Variants in SLC7A11 observed in about 807,000 individuals in gnomAD.
SLC7A11 encodes solute carrier family 7 member 11, also known as cystine/glutamate transporter.
In SLC7A11, 35 loss-of-function variants were observed where a neutral mutation model predicts 54.5. The observed-to-expected ratio is 0.64, with a 90% CI of 0.49 to 0.85. The LOEUF is 0.85. SLC7A11 is among the 40% of genes least tolerant of loss of function. The pLI, the probability that SLC7A11 is intolerant of heterozygous loss-of-function variation, is 0.00. For synonymous variants in SLC7A11, 230 were observed against 225.2 expected, an observed-to-expected ratio of 1.02 and a Z score of -0.19; for missense variants, 583 against 618.1, an observed-to-expected ratio of 0.94 and a Z score of 0.60.
intron 6 of SLC7A11, among the ~76,000 whole-genome samples, chr4:138,213,532 C>CCTCTCTCTCTCTCT (rs71600143): frequency 1.9e-4 from 28 of 148,970 alleles, no homozygotes; most frequent in Non-Finnish European, 3.0e-4. Flanking sequence ...TTGTGTTTCT[C>CCTCTCTCTCTCTCT]CTCTCTCTCT....
At chr4:138,239,208 G>A (rs72939788) in intron 1 of SLC7A11, among the ~76,000 whole-genome samples, 58 of 152,238 alleles carry the variant, frequency 3.8e-4, no homozygotes, top group African/African-American at 1.4e-3. Flanking sequence ...AGAATTTATT[G>A]TCAGAGAATC....
At chr4:138,213,589 A>C (rs1286334806) in intron 6 of SLC7A11, among the ~76,000 whole-genome samples, 1 of 149,780 alleles carries the variant, frequency 6.7e-6, no homozygotes, top group Non-Finnish European at 1.5e-5. Context: ...TCTCTCATTT[A>C]TATTTACCTA....
At chr4:138,210,064 G>C (rs908618601) in intron 6 of SLC7A11, among the ~76,000 whole-genome samples, 7 of 151,852 alleles carry the variant, frequency 4.6e-5, no homozygotes, top group Non-Finnish European at 4.4e-5. Context: ...TAATGGAACA[G>C]GTTAAAGAAC....
chr4:138,237,737 ATTTTTTTTTTTTTTTTTTTTTT>A (rs1169641615), intron 1 of SLC7A11, among the ~76,000 whole-genome samples: 23 of 9,822 alleles, frequency 2.3e-3, no homozygotes, highest in South Asian at 0.022. Context: ...ATATATATAT[ATTTTTTTTTTTTTTTTTTTTTT>A]TTTTTTTTTG....
chr4:138,169,142 G>A lies in SLC7A11; in HGVS notation c.*2814C>T, dbSNP rs1578621826. 1.3e-5 allele frequency: 2 copies of A among 152,094 alleles called. No homozygotes were observed. Among genetic ancestry groups the A allele is most frequent in the African/African-American group, 4.8e-5 (2 of 41,522 alleles). 9.4% of individuals were successfully genotyped at this position (152,094 alleles called of 1,614,324 possible). On this transcript the variant is annotated 3_prime_UTR_variant, in exon 12 of 12. Coordinates refer to ENST00000280612, the MANE Select transcript of SLC7A11 (RefSeq NM_014331.4). ...AACATTTGAATATGCATGGTACAAA[G>A]TACAAGTACAGAACATGTAGTAAGT...
chr4:138,235,875 T>C (rs1738195360), intron 2 of SLC7A11, among the ~76,000 whole-genome samples: 1 of 152,242 alleles, frequency 6.6e-6, no homozygotes, highest in African/African-American at 2.4e-5. Context: ...TAAGACTTGG[T>C]GACCAACTAA....
At chr4:138,203,774 A>G (rs1737343350) in intron 6 of SLC7A11, among the ~76,000 whole-genome samples, 1 of 152,124 alleles carries the variant, frequency 6.6e-6, no homozygotes. Context: ...AAATTGTCAT[A>G]AAGTTAATTG....
In SLC7A11 at chr4:138,218,948, C is replaced by T. The variant is rs374057786; in HGVS notation, c.746+318G>A. ...CGAAGTATTATTCTTTAGTACCTTA[C>T]GGCACTATTATGTCCTTACTGGTAC... On this transcript the variant is annotated intron_variant, in intron 5 of 11. Transcript: ENST00000280612. Among the ~76,000 whole-genome samples, 302 of 152,216 alleles carry T rather than the reference C, an allele frequency of 2.0e-3. 2 individuals carry two copies. Among genetic ancestry groups the T allele is most frequent in the African/African-American group, 6.5e-3 (271 of 41,544 alleles).
chr4:138,224,861 G>T (rs191140391), intron 3 of SLC7A11, among the ~76,000 whole-genome samples: 5 of 132,298 alleles, frequency 3.8e-5, no homozygotes, highest in Non-Finnish European at 8.2e-5. Context: ...GAAGGAAGGA[G>T]AAATAGATCT....
chr4:138,217,690 T>C (rs1285059408), intron 5 of SLC7A11, among the ~76,000 whole-genome samples: 2 of 152,200 alleles, frequency 1.3e-5, no homozygotes, highest in African/African-American at 4.8e-5. Context: ...CACTCGTGGT[T>C]GCATATTGCC....
In SLC7A11 at chr4:138,168,109, T is replaced by C. The variant is rs1736313806; in HGVS notation, c.*3847A>G. 2 of 152,166 alleles carry C rather than the reference T, an allele frequency of 1.3e-5. No homozygotes were observed. The highest frequency in any genetic ancestry group is 4.8e-5 in the African/African-American group (2 of 41,440). The allele number at this position is 152,166 out of a possible 1,614,324, so 9.4% of individuals were successfully genotyped here. ...TATTTTACTTTACTCACATGGACAA[T>C]GCAGATTTTGTGGGGGTAGAAGTGT... On this transcript the variant is annotated 3_prime_UTR_variant, in exon 12 of 12. Coordinates refer to ENST00000280612, the MANE Select transcript of SLC7A11 (RefSeq NM_014331.4).
chr4:138,232,420 G>GA lies in SLC7A11; in HGVS notation c.405-39dup, dbSNP rs758240589. 4.4e-6 allele frequency: 5 copies of GA among 1,127,300 alleles called. No homozygotes were observed. The East Asian group carries it at 7.1e-5, about 16-fold the overall frequency. 69.8% of individuals were successfully genotyped at this position (1,127,300 alleles called of 1,614,324 possible). A position where few individuals can be genotyped will look rare whatever the true frequency, so the allele number is the denominator to read the frequency against. On this transcript the variant is annotated intron_variant, in intron 2 of 11. Coordinates refer to ENST00000280612, the MANE Select transcript of SLC7A11 (RefSeq NM_014331.4). ...GTATATATTTAGGTTAACCACAGGG[G>GA]AAAAAACTGCATTTTCATTAATTTT...
At chr4:138,235,727 C>T (rs1232708251) in intron 2 of SLC7A11, among the ~76,000 whole-genome samples, 1 of 152,108 alleles carries the variant, frequency 6.6e-6, no homozygotes, top group African/African-American at 2.4e-5. Context: ...GATTTTAAAC[C>T]AAGACAAGCA....
chr4:138,206,530 G>T (rs540830008), intron 6 of SLC7A11, among the ~76,000 whole-genome samples: 1 of 151,392 alleles, frequency 6.6e-6, no homozygotes, highest in Non-Finnish European at 1.5e-5. Context: ...AGTGGAATTG[G>T]AATCCTTACA....
chr4:138,235,056 G>T (rs1443025572), intron 2 of SLC7A11, among the ~76,000 whole-genome samples: 1 of 152,122 alleles, frequency 6.6e-6, no homozygotes, highest in Non-Finnish European at 1.5e-5. Context: ...TTTTAAAAGG[G>T]AAACAAAATA....
In SLC7A11 at chr4:138,218,095, T is replaced by A. The variant is rs773727879; in HGVS notation, c.746+1171A>T. On this transcript the variant is annotated intron_variant, in intron 5 of 11. Transcript: ENST00000280612. ...TAAGATTTTAAGTTCCCATACCCCC[T>A]AATTATCCTCTAATACCATATTTTC... Among the ~76,000 whole-genome samples the A allele has an allele frequency of 2.5e-3, 384 of 152,298 alleles. 3 individuals carry two copies. The highest frequency in any genetic ancestry group is 5.3e-4 in the Non-Finnish European group (36 of 68,026).
chr4:138,207,737 G>T (rs1001042538), intron 6 of SLC7A11, among the ~76,000 whole-genome samples: 1 of 151,994 alleles, frequency 6.6e-6, no homozygotes, highest in Non-Finnish European at 1.5e-5. Flanking sequence ...AAAGCAAGCC[G>T]CATTCCCAAG....
intron 4 of SLC7A11, among the ~76,000 whole-genome samples, chr4:138,219,603 G>A (rs1310590682): frequency 6.6e-6 from 1 of 152,052 alleles, no homozygotes; most frequent in Non-Finnish European, 1.5e-5. Context: ...AGATGAAAAT[G>A]GCATTGAAAA....
At chr4:138,206,400 T>TATAG (rs1251017343) in intron 6 of SLC7A11, among the ~76,000 whole-genome samples, 3 of 150,308 alleles carry the variant, frequency 2.0e-5, no homozygotes, top group African/African-American at 7.3e-5. Flanking sequence ...TATATATATA[T>TATAG]AGCCTCAAAA....
Sources: allele counts gnomAD v4.1 joint callset (sites outside exome capture counted in the v4.1 genomes callset), GRCh38; gene constraint gnomAD v4.1.1; transcripts MANE v1.5; gene names NCBI Gene and HGNC (gene_info 2026-07-23, HGNC 2026-07-21).